Variants in VPS13D observed in about 807,000 individuals in gnomAD.
The protein encoded by VPS13D is intermembrane lipid transfer protein VPS13D.
In VPS13D, 187 loss-of-function variants were observed where a neutral mutation model predicts 461.9. That is an observed-to-expected ratio of 0.40 (90% confidence interval 0.36 to 0.46). VPS13D has a LOEUF of 0.46. Ranked by LOEUF, VPS13D falls within the 20% of genes least tolerant of loss-of-function variation. The probability of loss-of-function intolerance (pLI) is 0.60; values close to 1 mark genes in which losing one functional copy is unlikely to be tolerated. For missense variants in VPS13D, 4,711 were observed against 5,364.9 expected, an observed-to-expected ratio of 0.88 and a Z score of 3.81; for synonymous variants, 1,951 against 1,986.3, an observed-to-expected ratio of 0.98 and a Z score of 0.47.
chr1:12,369,512 C>T lies in VPS13D; in HGVS notation c.10618C>T (p.Arg3540Trp), dbSNP rs746917164. ...GCATGGCGTAGCTGAACCCAGGCTCCGGACTGAAGTGAAGCCCATGACTTC... is the reference window on the plus strand; with the variant it reads ...GCATGGCGTAGCTGAACCCAGGCTCTGGACTGAAGTGAAGCCCATGACTTC... ...TQHGVAEPRL[R>W]TEVKPMTSLD... is the part of the protein sequence containing the mutation. Residue 3540 changes from arginine to tryptophan, a missense_variant, in exon 54 of 70, where the codon CGG becomes TGG. This residue lies in a region of VPS13D where 4,411 missense variants were observed against 4,937.8 expected (regional missense o/e 0.89). Transcript: ENST00000620676. 4.9e-5 allele frequency: 79 copies of T among 1,614,018 alleles called. 1 individual carries two copies. The highest frequency in any genetic ancestry group is 1.2e-4 in the African/African-American group (9 of 74,902).
At chr1:12,405,253 A>G (rs1644637148) in intron 63 of VPS13D, among the ~76,000 whole-genome samples, 1 of 152,248 alleles carries the variant, frequency 6.6e-6, no homozygotes, top group Non-Finnish European at 1.5e-5. Flanking sequence ...AGATTTTTAA[A>G]GAGAAACCGG....
chr1:12,301,926 A>T (rs1642434732), intron 25 of VPS13D, among the ~76,000 whole-genome samples: 2 of 152,124 alleles, frequency 1.3e-5, no homozygotes, highest in Non-Finnish European at 2.9e-5. Flanking sequence ...CTACAGGGAG[A>T]TACTTGGAAG....
chr1:12,231,614 C>T (rs544305311), intron 1 of VPS13D, among the ~76,000 whole-genome samples: 6 of 152,308 alleles, frequency 3.9e-5, no homozygotes, highest in Middle Eastern at 3.4e-3. Flanking sequence ...CTGACCTTGG[C>T]TTCTTGCTCA....
Position 12,369,522 on chromosome 1 carries a change from T to C in VPS13D, c.10628T>C (p.Val3543Ala). The C allele has an allele frequency of 6.2e-7, 1 of 1,614,198 alleles. No individual in the cohort carries two copies. The highest frequency in any genetic ancestry group is 8.5e-7 in the Non-Finnish European group (1 of 1,180,032). ...GVAEPRLRTE[V>A]KPMTSLDYAW... is the part of the protein sequence containing the mutation. The stretch of plus-strand genomic sequence containing the variant: ...GCTGAACCCAGGCTCCGGACTGAAG[T>C]GAAGCCCATGACTTCATTGGATTAT... Residue 3543 changes from valine (V) to alanine (A), a missense_variant, in exon 54 of 70, where the codon GTG (valine) becomes GCG (alanine). By Grantham distance (64) the Val-to-Ala change is moderately conservative. This residue lies in a region of VPS13D where 4,411 missense variants were observed against 4,937.8 expected (regional missense o/e 0.89). Coordinates refer to ENST00000620676, the MANE Select transcript of VPS13D (RefSeq NM_015378.4).
At chr1:12,390,566 T>C (rs760776239) in intron 60 of VPS13D, among the ~76,000 whole-genome samples, 10 of 152,208 alleles carry the variant, frequency 6.6e-5, no homozygotes, top group Non-Finnish European at 1.5e-4. Flanking sequence ...AAGCATTGCA[T>C]GCAGGATAGG....
chr1:12,322,789 GCTT>G, intron 34 of VPS13D, 43 bp downstream of exon 34: 4 of 1,569,558 alleles, frequency 2.5e-6, no homozygotes, highest in East Asian at 2.3e-5. Flanking sequence ...TGCTAATAAC[GCTT>G]CTTCTTTTTG....
In VPS13D at chr1:12,253,774, A is replaced by C; in HGVS notation, c.617A>C (p.Tyr206Ser). ...TTAGACGTAGCAGAATTTAGCATCT[A>C]TTGGGATGTCGATTGCACTTTACTG... ...KQLDVAEFSIYWDVDCTLLGD... is the reference protein window; with the variant it reads ...KQLDVAEFSISWDVDCTLLGD... Residue 206 changes from tyrosine to serine, a missense_variant, in exon 7 of 70, where the codon TAT (tyrosine) becomes TCT (serine). Physicochemically the swap from Tyr to Ser is moderately radical, Grantham distance 144. Around this residue, in one of 3 missense-constraint regions of VPS13D, gnomAD observed 4,411 missense variants for 4,937.8 expected, o/e 0.89. Transcript: ENST00000620676. 6.2e-7 allele frequency: 1 copy of C among 1,614,150 alleles called. No homozygotes were observed. Among genetic ancestry groups the C allele is most frequent in the Non-Finnish European group, 8.5e-7 (1 of 1,180,006 alleles).
chr1:12,377,743 C>T (rs1644219121), intron 55 of VPS13D, among the ~76,000 whole-genome samples: 1 of 148,118 alleles, frequency 6.8e-6, no homozygotes, highest in African/African-American at 2.5e-5. Flanking sequence ...TTCGCCTGAA[C>T]CCAGGAGGAG....
rs775936205 is a variant in VPS13D, at chr1:12,415,120, C to T, written c.12064C>T (p.Arg4022Trp). 6.8e-6 allele frequency: 11 copies of T among 1,613,906 alleles called. No homozygotes were observed. Among genetic ancestry groups the T allele is most frequent in the South Asian group, 1.1e-5 (1 of 91,046 alleles). ...LKSTLGFPLIRFEDAVINLDP... is the reference protein window; with the variant it reads ...LKSTLGFPLIWFEDAVINLDP... The stretch of plus-strand genomic sequence containing the variant: ...AAGCACCTTGGGGTTTCCTTTGATA[C>T]GGTTTGAAGACGCTGTGATTAATCT... The change falls in exon 64 of 70, where the codon CGG becomes TGG. Residue 4022 changes from arginine (R) to tryptophan (W), a missense_variant. By Grantham distance (101) the Arg-to-Trp change is moderately radical. Transcript: ENST00000620676.
intron 52 of VPS13D, chr1:12,367,606 G>T (rs77575936): frequency 7.2e-6 from 1 of 138,520 alleles, no homozygotes; most frequent in Non-Finnish European, 1.5e-5. Context: ...ACAGAGTCTC[G>T]CTCAGTCGCC....
intron 17 of VPS13D, 89 bp from the exon 18 acceptor site, chr1:12,272,914 C>T: frequency 6.5e-7 from 1 of 1,531,080 alleles, no homozygotes. Context: ...CTCCATAATC[C>T]TAGCTGCAGC....
chr1:12,435,474 A>G (rs1011758382), intron 65 of VPS13D, among the ~76,000 whole-genome samples: 1 of 152,128 alleles, frequency 6.6e-6, no homozygotes, highest in African/African-American at 2.4e-5. Flanking sequence ...AACAACAACA[A>G]AAAGATACTC....
chr1:12,433,403 A>T (rs1008485178), intron 65 of VPS13D, among the ~76,000 whole-genome samples: 7 of 152,128 alleles, frequency 4.6e-5, no homozygotes, highest in African/African-American at 1.7e-4. Context: ...TTGGGTTCAG[A>T]CCCTCAGTCA....
At position 12,283,723 on chromosome 1, in the gene VPS13D, A is replaced by G. The variant is rs377764907; in HGVS notation, c.5621A>G (p.Lys1874Arg). Residue 1874 changes from lysine to arginine, a missense_variant, in exon 21 of 70, where the codon AAA becomes AGA. Physicochemically the swap from Lys to Arg is conservative, Grantham distance 26. Around this residue, in one of 3 missense-constraint regions of VPS13D, gnomAD observed 4,411 missense variants for 4,937.8 expected, o/e 0.89. Coordinates refer to ENST00000620676, the MANE Select transcript of VPS13D (RefSeq NM_015378.4). ...GGACTTCAGGATCCAGTGAACACCA[A>G]ACTGGATCTCAAGGTATCCTCAGTT... Reference protein sequence around the residue: ...ESGLQDPVNTKLDLKVHSLSL... With the variant: ...ESGLQDPVNTRLDLKVHSLSL... 6 of 1,612,208 alleles carry G rather than the reference A, an allele frequency of 3.7e-6. No individual in the cohort carries two copies. In the African/African-American group the frequency reaches 5.3e-5, roughly 14 times the overall value.
At chr1:12,272,470 A>C (rs1414650591) in intron 17 of VPS13D, among the ~76,000 whole-genome samples, 1 of 151,422 alleles carries the variant, frequency 6.6e-6, no homozygotes, top group Non-Finnish European at 1.5e-5. Context: ...TTGTAAACAA[A>C]AGAGGTTTCT....
At chr1:12,284,478 C>A (rs1283059463) in intron 21 of VPS13D, among the ~76,000 whole-genome samples, 1 of 152,088 alleles carries the variant, frequency 6.6e-6, no homozygotes, top group Non-Finnish European at 1.5e-5. Context: ...AAGAAAAAAA[C>A]CATAAAAAAG....
At position 12,508,960 on chromosome 1, in the gene VPS13D, A is replaced by G. The variant is rs754306671; in HGVS notation, c.13103A>G (p.Tyr4368Cys). 1.9e-6 allele frequency: 3 copies of G among 1,614,218 alleles called. No homozygotes were observed. The highest frequency in any genetic ancestry group is 2.5e-6 in the Non-Finnish European group (3 of 1,180,036). The change falls in exon 70 of 70, where the codon TAC (tyrosine) becomes TGC (cysteine). Residue 4368 changes from tyrosine to cysteine, a missense_variant. This residue lies in a region of VPS13D where 194 missense variants were observed against 220.9 expected (regional missense o/e 0.88). Transcript: ENST00000620676. ...GAAATAAACTACGCAAAGAGCCTCTACTATGAACAGCAGCTTATGTTAAGA... is the reference window on the plus strand; with the variant it reads ...GAAATAAACTACGCAAAGAGCCTCTGCTATGAACAGCAGCTTATGTTAAGA... ...SQEINYAKSL[Y>C]YEQQLMLRLS...
intron 3 of VPS13D, among the ~76,000 whole-genome samples, chr1:12,242,894 C>A (rs1034873737): frequency 6.6e-6 from 1 of 152,116 alleles, no homozygotes. Flanking sequence ...AGTGTGAGAA[C>A]CTCTGTTCTA....
intron 1 of VPS13D, among the ~76,000 whole-genome samples, chr1:12,233,736 G>C (rs1368907275): frequency 6.6e-6 from 1 of 152,142 alleles, no homozygotes; most frequent in African/African-American, 2.4e-5. Context: ...ATCTTACAGA[G>C]CTTCTTGCCT....
Sources: allele counts gnomAD v4.1 joint callset (sites outside exome capture counted in the v4.1 genomes callset), GRCh38; gene constraint gnomAD v4.1.1; regional missense constraint gnomAD v4.1.1; transcripts MANE v1.5; gene names NCBI Gene and HGNC (gene_info 2026-07-23, HGNC 2026-07-21).